Variants in RHBDF2 observed in about 807,000 individuals in gnomAD.
The protein encoded by RHBDF2 is rhomboid 5 homolog 2, also known as inactive rhomboid protein 2.
In RHBDF2, 38 loss-of-function variants were observed where a neutral mutation model predicts 95.2. The ratio of observed to expected loss-of-function variants is 0.40; its 90% CI spans 0.31 to 0.52. RHBDF2 has a LOEUF of 0.52. RHBDF2 is among the 20% of genes least tolerant of loss of function. RHBDF2 has a pLI of 0.56. For synonymous variants in RHBDF2, 442 were observed against 462.0 expected (o/e 0.96, Z 0.55); for missense variants, 863 against 1,137.7 (o/e 0.76, Z 3.47).
intron 1 of RHBDF2, among the ~76,000 whole-genome samples, chr17:76,492,269 C>T (rs1360413066): frequency 6.6e-6 from 1 of 152,164 alleles, no homozygotes; most frequent in Non-Finnish European, 1.5e-5. Context: ...GGGTTGAGGC[C>T]TCTGTACCCT....
At position 76,472,159 on chromosome 17, in the gene RHBDF2, G is replaced by C. The variant is rs1598647372; in HGVS notation, c.2065-107C>G. On this transcript the variant is annotated intron_variant, in intron 18 of 18. Coordinates refer to ENST00000675367, the MANE Select transcript of RHBDF2 (RefSeq NM_001005498.4). ...ATCAGCTCCTCCCTGGCAGGCATGG[G>C]GACCCCTGAGGCTGAGGGGCAGGGG... is the stretch of plus-strand genomic sequence containing the variant. 42 of 1,125,144 alleles carry C rather than the reference G, an allele frequency of 3.7e-5. No homozygotes were observed. In the East Asian group the frequency reaches 1.1e-3, roughly 29 times the overall value. 69.7% of individuals were successfully genotyped at this position (1,125,144 alleles called of 1,614,324 possible). A position where few individuals can be genotyped will look rare whatever the true frequency, so the allele number is the denominator to read the frequency against.
chr17:76,474,297 C>A, intron 12 of RHBDF2, 76 bp downstream of exon 12: 1 of 1,529,738 alleles, frequency 6.5e-7, no homozygotes, highest in Non-Finnish European at 9.0e-7. Context: ...GTGGTCACTG[C>A]CCTTGAAGGA....
At chr17:76,499,098 A>C (rs1442223602) in intron 1 of RHBDF2, among the ~76,000 whole-genome samples, 1 of 152,072 alleles carries the variant, frequency 6.6e-6, no homozygotes, top group Non-Finnish European at 1.5e-5. Context: ...GCAAATGAAA[A>C]GGTGGGAGTT....
Position 76,473,262 on chromosome 17 carries a change from A to C in RHBDF2, c.1799T>G (p.Leu600Arg). The stretch of plus-strand genomic sequence containing the variant: ...CCTGCCTCGCCTCACCTGGGAGCAG[A>C]GTGTTGCTTCCTCATGGAAATAGCC... ...MHGYFHEEAT[L>R]CSQVHCLDKV... Residue 600 changes from leucine to arginine, a missense_variant, in exon 16 of 19, where the codon CTC becomes CGC. Transcript: ENST00000675367. 6.2e-7 allele frequency: 1 copy of C among 1,612,752 alleles called. No individual in the cohort carries two copies. The highest frequency in any genetic ancestry group is 1.1e-5 in the South Asian group (1 of 90,774).
At chr17:76,491,307 C>A (rs997597488) in intron 1 of RHBDF2, among the ~76,000 whole-genome samples, 1 of 152,178 alleles carries the variant, frequency 6.6e-6, no homozygotes, top group Non-Finnish European at 1.5e-5. Flanking sequence ...CCAGGCCATC[C>A]CAGCTGAGAC....
intron 1 of RHBDF2, among the ~76,000 whole-genome samples, chr17:76,488,427 G>A (rs972699259): frequency 3.3e-5 from 5 of 152,096 alleles, no homozygotes; most frequent in African/African-American, 4.8e-5. Flanking sequence ...TTGAACCTGG[G>A]AGGCGGAGGT....
At chr17:76,490,925 A>G (rs2144370764) in intron 1 of RHBDF2, among the ~76,000 whole-genome samples, 1 of 152,092 alleles carries the variant, frequency 6.6e-6, no homozygotes, top group Non-Finnish European at 1.5e-5. Context: ...GGAGTCCCCT[A>G]CCCAACCCCG....
intron 2 of RHBDF2, among the ~76,000 whole-genome samples, chr17:76,486,241 C>G (rs576375174): frequency 6.6e-6 from 1 of 152,290 alleles, no homozygotes; most frequent in East Asian, 1.9e-4. Context: ...TCCCGAGTAG[C>G]TGGGACTACA....
At chr17:76,473,136 C>T in intron 16 of RHBDF2, 31 bp from the exon 17 acceptor site, 1 of 1,600,668 alleles carries the variant, frequency 6.2e-7, no homozygotes, top group South Asian at 1.1e-5. Flanking sequence ...CTCAGCGCCC[C>T]AGAAGCAGGC....
chr17:76,499,670 A>G (rs1185824145), intron 1 of RHBDF2, among the ~76,000 whole-genome samples: 2 of 152,204 alleles, frequency 1.3e-5, no homozygotes, highest in Non-Finnish European at 2.9e-5. Context: ...AAAGGTGTAC[A>G]TAATTGGAGG....
intron 13 of RHBDF2, 33 bp from the exon 14 acceptor site, chr17:76,473,935 A>G (rs1353156158): frequency 1.9e-6 from 3 of 1,609,938 alleles, no homozygotes; most frequent in Non-Finnish European, 2.5e-6. Context: ...GCTGTGGCAC[A>G]CCCAGCGTGC....
intron 1 of RHBDF2, among the ~76,000 whole-genome samples, chr17:76,489,019 G>C (rs112829204): frequency 1.8e-3 from 270 of 149,486 alleles, no homozygotes; most frequent in African/African-American, 6.3e-3. Context: ...CCAGCTACTC[G>C]GGAGGCTGAG....
In RHBDF2 at chr17:76,478,820, C is replaced by T. The variant is rs34814954; in HGVS notation, c.658G>A (p.Ala220Thr). Residue 220 changes from alanine (A) to threonine (T), a missense_variant, in exon 6 of 19, where the codon GCT becomes ACT. By Grantham distance (58) the Ala-to-Thr change is moderately conservative. Coordinates refer to ENST00000675367, the MANE Select transcript of RHBDF2 (RefSeq NM_001005498.4). ...GAGCCCCGCACCTTGAGGAGGGCAG[C>T]GGCAGCTTGCAAGCTCATGTGGGCC... is the stretch of plus-strand genomic sequence containing the variant. ...SVAHMSLQAAAALLKGRSVLD... is the reference protein window; with the variant it reads ...SVAHMSLQAATALLKGRSVLD... 3.9e-3 allele frequency: 6,316 copies of T among 1,612,372 alleles called. 190 individuals are homozygous for T. In the African/African-American group the frequency reaches 0.072, roughly 18 times the overall value.
At chr17:76,474,949 G>A (rs2073720174) in intron 10 of RHBDF2, 81 bp downstream of exon 10, 3 of 1,463,630 alleles carry the variant, frequency 2.0e-6, no homozygotes, top group South Asian at 1.2e-5. Context: ...GATTGTTGCG[G>A]TGGGAGGGAT....
intron 2 of RHBDF2, among the ~76,000 whole-genome samples, chr17:76,486,343 C>T (rs572210696): frequency 6.6e-6 from 1 of 152,266 alleles, no homozygotes; most frequent in Non-Finnish European, 1.5e-5. Flanking sequence ...CTCCTTACCT[C>T]AAGTTTGCTT....
chr17:76,486,095 C>CACAT (rs2144295302), intron 2 of RHBDF2, among the ~76,000 whole-genome samples: 1 of 143,646 alleles, frequency 7.0e-6, no homozygotes, highest in East Asian at 1.9e-4. Context: ...CACACACACA[C>CACAT]ACACACACAC....
intron 1 of RHBDF2, among the ~76,000 whole-genome samples, chr17:76,497,170 G>A (rs2074446649): frequency 6.6e-6 from 1 of 152,056 alleles, no homozygotes; most frequent in Non-Finnish European, 1.5e-5. Flanking sequence ...TGCACCACCT[G>A]CTGGCACAGG....
At chr17:76,485,146 G>C (rs1325239566) in intron 2 of RHBDF2, among the ~76,000 whole-genome samples, 1 of 152,120 alleles carries the variant, frequency 6.6e-6, no homozygotes, top group Non-Finnish European at 1.5e-5. Flanking sequence ...GGTGGCTCAT[G>C]CCTGTAATCC....
intron 3 of RHBDF2, 152 bp from the exon 4 acceptor site, chr17:76,480,006 A>AAT: frequency 3.3e-6 from 2 of 598,236 alleles, no homozygotes; most frequent in Non-Finnish European, 2.5e-6. Flanking sequence ...ATATATATAT[A>AAT]ATGTGTGTGT....
Sources: gnomAD v4.1 joint callset for allele counts (sites outside exome capture counted in the v4.1 genomes callset) on GRCh38, gnomAD v4.1.1 for gene constraint, MANE v1.5 for transcripts, NCBI Gene and HGNC (gene_info 2026-07-23, HGNC 2026-07-21) for gene names.